Variants in SULT2A1 observed in about 807,000 individuals in gnomAD.
SULT2A1 encodes the protein sulfotransferase family 2A member 1.
In SULT2A1, 43 loss-of-function variants were observed where a neutral mutation model predicts 33.9. That is an observed-to-expected ratio of 1.27 (90% CI 1.00 to 1.64). The LOEUF is 1.64. Among genes scored for constraint, SULT2A1 ranks in the 40% most tolerant of loss-of-function variants. SULT2A1 has a pLI of 0.00. For missense variants in SULT2A1, 300 were observed against 335.1 expected (o/e 0.90, Z 0.82); for synonymous variants, 125 against 113.6 (o/e 1.10, Z -0.64).
rs1169357185 is a variant in SULT2A1, at chr19:47,879,201, A to C, written c.473-71T>G. ...AGCAGGCATCCAGTCTATTATGTTCATCCCCCCACCGGCTTGTTAACGTAT... is the reference window on the plus strand; with the variant it reads ...AGCAGGCATCCAGTCTATTATGTTCCTCCCCCCACCGGCTTGTTAACGTAT... On this transcript the variant is annotated intron_variant, in intron 3 of 5. Coordinates refer to ENST00000222002, the MANE Select transcript of SULT2A1 (RefSeq NM_003167.4). 4.5e-6 allele frequency: 4 copies of C among 896,454 alleles called. No homozygotes were observed. The East Asian group carries it at 7.3e-5, about 16-fold the overall frequency. The allele number at this position is 896,454 out of a possible 1,614,324, so 55.5% of individuals were successfully genotyped here.
chr19:47,874,580 G>T, intron 5 of SULT2A1, 77 bp downstream of exon 5: 24 of 794,932 alleles, frequency 3.0e-5, no homozygotes, highest in Non-Finnish European at 4.3e-5. Flanking sequence ...CATCTCAACT[G>T]TTAGCGCCCA....
chr19:47,874,630 T>C, intron 5 of SULT2A1, 27 bp downstream of exon 5: 1 of 1,602,076 alleles, frequency 6.2e-7, no homozygotes, highest in East Asian at 2.2e-5. Flanking sequence ...TTCTGGTATA[T>C]TTGGAAACCA....
intron 5 of SULT2A1, among the ~76,000 whole-genome samples, chr19:47,872,085 T>G (rs1279178525): frequency 6.6e-6 from 1 of 152,076 alleles, no homozygotes; most frequent in African/African-American, 2.4e-5. Flanking sequence ...GCCTGGCTAA[T>G]TTTTGTATTT....
intron 3 of SULT2A1, among the ~76,000 whole-genome samples, chr19:47,879,762 C>T (rs1381277353): frequency 8.0e-6 from 1 of 124,480 alleles, no homozygotes; most frequent in African/African-American, 3.2e-5. Flanking sequence ...GGGAACATCA[C>T]ACACCGGGGC....
chr19:47,875,016 G>T (rs1328369154), intron 4 of SULT2A1, among the ~76,000 whole-genome samples, 182 bp from the exon 5 acceptor site: 2 of 151,878 alleles, frequency 1.3e-5, no homozygotes, highest in Non-Finnish European at 2.9e-5. Flanking sequence ...ACAAAAATTG[G>T]CAGGGTGTGG....
In SULT2A1 at chr19:47,877,752, T is replaced by C. The variant is rs544750563; in HGVS notation, c.567+1284A>G. 2.0e-5 allele frequency among the ~76,000 whole-genome samples: 3 copies of C among 152,260 alleles called. No individual in the cohort carries two copies. In the East Asian group the frequency reaches 5.8e-4, roughly 29 times the overall value. The stretch of plus-strand genomic sequence containing the variant: ...TTTTAGTAGAGATGGGGTCTTGCTA[T>C]GTTGGCCAGGCTGGTCTCGAACTCC... On this transcript the variant is annotated intron_variant, in intron 4 of 5. Coordinates refer to ENST00000222002, the MANE Select transcript of SULT2A1 (RefSeq NM_003167.4).
At chr19:47,872,521 C>A (rs1170454304) in intron 5 of SULT2A1, among the ~76,000 whole-genome samples, 1 of 152,088 alleles carries the variant, frequency 6.6e-6, no homozygotes, top group Non-Finnish European at 1.5e-5. Context: ...CCTTGGAACG[C>A]TGCTCTCTCA....
intron 5 of SULT2A1, among the ~76,000 whole-genome samples, chr19:47,874,354 G>C (rs1968521673): frequency 6.6e-6 from 1 of 152,032 alleles, no homozygotes; most frequent in Admixed American, 6.6e-5. Context: ...GCCTAGCTAA[G>C]ATGGTGAAAC....
chr19:47,882,784 G>A (rs537929519), intron 2 of SULT2A1, among the ~76,000 whole-genome samples: 1 of 152,104 alleles, frequency 6.6e-6, no homozygotes, highest in African/African-American at 2.4e-5. Flanking sequence ...GCATGGTGGC[G>A]CACACCTCTA....
intron 5 of SULT2A1, among the ~76,000 whole-genome samples, chr19:47,873,316 C>T (rs1555804250): frequency 1.3e-5 from 2 of 151,742 alleles, no homozygotes; most frequent in Non-Finnish European, 2.9e-5. Flanking sequence ...ATTACAGGCG[C>T]CCACCACCAC....
At chr19:47,881,253 C>T (rs1334405659) in intron 3 of SULT2A1, among the ~76,000 whole-genome samples, 1 of 152,038 alleles carries the variant, frequency 6.6e-6, no homozygotes, top group Non-Finnish European at 1.5e-5. Context: ...CCAGGCTGGT[C>T]TCGAACTCCT....
intron 2 of SULT2A1, 148 bp from the exon 3 acceptor site, chr19:47,882,358 A>G: frequency 1.0e-6 from 1 of 997,710 alleles, no homozygotes; most frequent in Non-Finnish European, 1.4e-6. Flanking sequence ...TGCACTCACT[A>G]ATCAAATTTG....
chr19:47,882,999 AG>A (rs1311544660), intron 2 of SULT2A1, among the ~76,000 whole-genome samples: 1 of 152,098 alleles, frequency 6.6e-6, no homozygotes, highest in Non-Finnish European at 1.5e-5. Flanking sequence ...GAGCCATGCA[AG>A]GTCCTGGATA....
At position 47,874,836 on chromosome 19, in the gene SULT2A1, T is replaced by C. The variant is rs1568637445; in HGVS notation, c.568-2A>G. ...CTTCTCTATGGTTCTTCCTGTGTCC[T>C]AAAAAAGAAAAATCAAGAGAGAGGA... is the stretch of plus-strand genomic sequence containing the variant. On this transcript the variant is annotated splice_acceptor_variant, in intron 4 of 5. Coordinates refer to ENST00000222002, the MANE Select transcript of SULT2A1 (RefSeq NM_003167.4). LOFTEE classifies it high-confidence loss of function. 3 of 1,610,422 alleles carry C rather than the reference T, an allele frequency of 1.9e-6. No individual in the cohort carries two copies. Among genetic ancestry groups the C allele is most frequent in the Non-Finnish European group, 2.5e-6 (3 of 1,179,002 alleles).
intron 4 of SULT2A1, among the ~76,000 whole-genome samples, chr19:47,877,124 A>G (rs1251658142): frequency 1.3e-5 from 2 of 151,318 alleles, no homozygotes; most frequent in Non-Finnish European, 2.9e-5. Flanking sequence ...TAGGCCATAG[A>G]GGATTGGAGA....
chr19:47,880,404 C>T (rs1468518907), intron 3 of SULT2A1, among the ~76,000 whole-genome samples: 2 of 151,832 alleles, frequency 1.3e-5, no homozygotes, highest in African/African-American at 2.4e-5. Flanking sequence ...ATGGGGATTA[C>T]AATTCGAGAT....
intron 5 of SULT2A1, 139 bp from the exon 6 acceptor site, chr19:47,871,706 A>G (rs1600026350): frequency 1.6e-6 from 1 of 632,018 alleles, no homozygotes; most frequent in South Asian, 1.9e-5. Flanking sequence ...GCCTGGTCAC[A>G]TAGTTATTCA....
intron 2 of SULT2A1, among the ~76,000 whole-genome samples, chr19:47,883,209 G>C (rs1229150523): frequency 6.6e-6 from 1 of 152,026 alleles, no homozygotes; most frequent in Middle Eastern, 3.2e-3. Context: ...TTCTGTGGCA[G>C]GAGGCATTTG....
chr19:47,883,607 G>A lies in SULT2A1; in HGVS notation c.315C>T (p.Phe105=), dbSNP rs376721447. The change falls in exon 2 of 6, where the codon TTC becomes TTT. Residue 105 remains phenylalanine (F), a synonymous_variant. Coordinates refer to ENST00000222002, the MANE Select transcript of SULT2A1 (RefSeq NM_003167.4). ...CCTTGGAACTGAAGAAAGACTTGGG[G>A]AATAACTGGATGGGGAGGTGGGAGG... ...LFSSHLPIQL[F]PKSFFSSKAK... 202 of 1,613,934 alleles carry A rather than the reference G, an allele frequency of 1.3e-4. No individual in the cohort carries two copies. Among genetic ancestry groups the A allele is most frequent in the Non-Finnish European group, 1.4e-4 (169 of 1,180,024 alleles).
Sources: allele counts gnomAD v4.1 joint callset (sites outside exome capture counted in the v4.1 genomes callset), GRCh38; gene constraint gnomAD v4.1.1; transcripts MANE v1.5; gene names NCBI Gene and HGNC (gene_info 2026-07-23, HGNC 2026-07-21).